Variants in PLCXD3 observed in about 807,000 individuals in gnomAD.
PLCXD3 encodes the protein PI-PLC X domain-containing protein 3.
PLCXD3 carries 19 observed loss-of-function variants against 25.5 expected under a neutral mutation model. That is an observed-to-expected ratio of 0.75 (90% CI 0.52 to 1.09). PLCXD3 has a LOEUF of 1.09. PLCXD3 is among the 50% of genes least tolerant of loss of function. The pLI is 0.00. For missense variants in PLCXD3, 411 were observed against 388.1 expected, an observed-to-expected ratio of 1.06 and a Z score of -0.50; for synonymous variants, 174 against 137.6, an observed-to-expected ratio of 1.26 and a Z score of -1.85.
intron 2 of PLCXD3, among the ~76,000 whole-genome samples, chr5:41,323,326 T>A (rs970902277): frequency 3.9e-5 from 6 of 152,050 alleles, no homozygotes; most frequent in Non-Finnish European, 8.8e-5. Flanking sequence ...CTGATTAGAG[T>A]CAATAATAAC....
intron 1 of PLCXD3, among the ~76,000 whole-genome samples, chr5:41,471,677 G>A (rs1748160664): frequency 6.6e-6 from 1 of 152,148 alleles, no homozygotes; most frequent in Admixed American, 6.5e-5. Context: ...AAAAACACAG[G>A]ATATTAGAAC....
At chr5:41,453,635 T>C (rs975990522) in intron 1 of PLCXD3, among the ~76,000 whole-genome samples, 12 of 152,034 alleles carry the variant, frequency 7.9e-5, no homozygotes, top group Admixed American at 4.6e-4. Context: ...ATAAAATAGT[T>C]ACTTATGTTT....
At chr5:41,502,329 A>C (rs926446216) in intron 1 of PLCXD3, among the ~76,000 whole-genome samples, 1 of 152,078 alleles carries the variant, frequency 6.6e-6, no homozygotes, top group African/African-American at 2.4e-5. Context: ...TGAAGTAATC[A>C]GTTTAGGTGA....
At chr5:41,416,851 C>G (rs1189548626) in intron 1 of PLCXD3, among the ~76,000 whole-genome samples, 2 of 152,018 alleles carry the variant, frequency 1.3e-5, no homozygotes, top group Non-Finnish European at 2.9e-5. Context: ...TAGCAGAGCC[C>G]CAGAGTACAA....
intron 1 of PLCXD3, among the ~76,000 whole-genome samples, chr5:41,419,519 G>A (rs56975440): frequency 0.016 from 2,368 of 152,162 alleles, 61 homozygotes; most frequent in African/African-American, 0.055. Context: ...GAAAACAGTA[G>A]ATAGTATTTC....
chr5:41,367,611 G>A (rs957988287), intron 2 of PLCXD3, among the ~76,000 whole-genome samples: 22 of 152,072 alleles, frequency 1.4e-4, no homozygotes, highest in African/African-American at 4.8e-4. Flanking sequence ...TCTGCTGATA[G>A]TTTCTTTTGC....
intron 1 of PLCXD3, among the ~76,000 whole-genome samples, chr5:41,425,013 C>A (rs1220772771): frequency 6.6e-6 from 1 of 152,064 alleles, no homozygotes; most frequent in African/African-American, 2.4e-5. Flanking sequence ...ATGCAATAAG[C>A]TTTTACTTTA....
intron 1 of PLCXD3, among the ~76,000 whole-genome samples, chr5:41,479,034 A>T (rs1748339357): frequency 1.3e-5 from 2 of 152,224 alleles, no homozygotes; most frequent in Non-Finnish European, 2.9e-5. Context: ...TGGGGATTAC[A>T]ATTTGAGATA....
At chr5:41,421,278 T>C (rs894202149) in intron 1 of PLCXD3, among the ~76,000 whole-genome samples, 4 of 152,256 alleles carry the variant, frequency 2.6e-5, no homozygotes, top group Non-Finnish European at 4.4e-5. Context: ...CCTAATTCTT[T>C]TTTAATTGTC....
intron 1 of PLCXD3, among the ~76,000 whole-genome samples, chr5:41,384,874 T>C (rs1745587466): frequency 6.6e-6 from 1 of 152,054 alleles, no homozygotes; most frequent in Non-Finnish European, 1.5e-5. Flanking sequence ...CACCAGTATG[T>C]GTTTTGAGCC....
chr5:41,471,047 T>C (rs1310157774), intron 1 of PLCXD3, among the ~76,000 whole-genome samples: 1 of 152,098 alleles, frequency 6.6e-6, no homozygotes, highest in African/African-American at 2.4e-5. Flanking sequence ...ACTGATGACT[T>C]ATAGTCAAGG....
intron 1 of PLCXD3, among the ~76,000 whole-genome samples, chr5:41,412,834 C>T (rs897610681): frequency 1.5e-4 from 23 of 152,174 alleles, no homozygotes; most frequent in African/African-American, 5.5e-4. Flanking sequence ...ACAAACACAT[C>T]TCTAACAGTG....
At chr5:41,323,405 G>A (rs1270754164) in intron 2 of PLCXD3, among the ~76,000 whole-genome samples, 3 of 152,180 alleles carry the variant, frequency 2.0e-5, no homozygotes, top group Non-Finnish European at 4.4e-5. Flanking sequence ...ATGCTTGAGG[G>A]AAGGGATACC....
chr5:41,344,835 T>C (rs991396789), intron 2 of PLCXD3, among the ~76,000 whole-genome samples: 2 of 152,178 alleles, frequency 1.3e-5, no homozygotes, highest in African/African-American at 2.4e-5. Context: ...TAAACTAATA[T>C]AAAGAATCAT....
rs1269028496 is a variant in PLCXD3, at chr5:41,311,473, A to T, written c.*2144T>A. ...ATTAAGGGTTTCAGTCTTAAAATTA[A>T]ATTATTTAATATTATCAATGTCTTC... is the stretch of plus-strand genomic sequence containing the variant. On this transcript the variant is annotated 3_prime_UTR_variant, in exon 3 of 3. Transcript: ENST00000377801. 1 of 149,952 alleles carries T rather than the reference A, an allele frequency of 6.7e-6. No individual in the cohort carries two copies. Among genetic ancestry groups the T allele is most frequent in the Non-Finnish European group, 1.5e-5 (1 of 67,334 alleles). The allele number at this position is 149,952 out of a possible 1,614,324, so 9.3% of individuals were successfully genotyped here. A position where few individuals can be genotyped will look rare whatever the true frequency, so the allele number is the denominator to read the frequency against.
chr5:41,333,783 C>A (rs778759100), intron 2 of PLCXD3, among the ~76,000 whole-genome samples: 142 of 152,246 alleles, frequency 9.3e-4, no homozygotes, highest in Non-Finnish European at 1.5e-3. Flanking sequence ...CTATGTCCTT[C>A]ATTATGTATT....
chr5:41,331,064 C>T (rs377574044), intron 2 of PLCXD3, among the ~76,000 whole-genome samples: 2 of 152,184 alleles, frequency 1.3e-5, no homozygotes, highest in African/African-American at 2.4e-5. Flanking sequence ...CTCACCACTC[C>T]TATTCAACAT....
At chr5:41,444,021 A>G (rs560323060) in intron 1 of PLCXD3, among the ~76,000 whole-genome samples, 2 of 152,172 alleles carry the variant, frequency 1.3e-5, no homozygotes, top group Non-Finnish European at 2.9e-5. Context: ...GTACAAATCA[A>G]TCTGTGGATA....
At chr5:41,493,269 G>A (rs1360594432) in intron 1 of PLCXD3, among the ~76,000 whole-genome samples, 1 of 152,184 alleles carries the variant, frequency 6.6e-6, no homozygotes, top group Non-Finnish European at 1.5e-5. Context: ...CGCGAATGCT[G>A]CTGTCTGATC....
Sources: gnomAD v4.1 joint callset for allele counts (sites outside exome capture counted in the v4.1 genomes callset) on GRCh38, gnomAD v4.1.1 for gene constraint, MANE v1.5 for transcripts, NCBI Gene and HGNC (gene_info 2026-07-23, HGNC 2026-07-21) for gene names.